Variants in CTNNA2 observed in about 807,000 individuals in gnomAD.
CTNNA2 encodes catenin alpha-2.
In CTNNA2, 42 loss-of-function variants were observed where a neutral mutation model predicts 101.0. That is an observed-to-expected ratio of 0.42 (90% CI 0.32 to 0.54). The LOEUF is 0.54. Among genes scored for constraint, CTNNA2 ranks in the 20% least tolerant of loss-of-function variants. The pLI, the probability that CTNNA2 is intolerant of heterozygous loss-of-function variation, is 0.14. For missense variants in CTNNA2, 871 were observed against 1,223.1 expected (o/e 0.71, Z 4.29); for synonymous variants, 450 against 456.4 (o/e 0.99, Z 0.18).
chr2:79,264,024 T>C (rs1674958254), intron 2 of CTNNA2, among the ~76,000 whole-genome samples: 1 of 152,172 alleles, frequency 6.6e-6, no homozygotes, highest in Non-Finnish European at 1.5e-5. Context: ...ATGCAAATCT[T>C]TATTATTGTT....
chr2:79,293,964 T>C (rs1381960483), intron 2 of CTNNA2, among the ~76,000 whole-genome samples: 5 of 151,994 alleles, frequency 3.3e-5, no homozygotes, highest in African/African-American at 1.2e-4. Flanking sequence ...ATTTTCAGAG[T>C]TGTTTGTAGA....
At chr2:79,952,252 A>G (rs1428493830) in intron 7 of CTNNA2, among the ~76,000 whole-genome samples, 1 of 152,066 alleles carries the variant, frequency 6.6e-6, no homozygotes, top group African/African-American at 2.4e-5. Flanking sequence ...CCTGTTACCT[A>G]CTACCCACTA....
chr2:80,223,033 A>C (rs190558661), intron 7 of CTNNA2, among the ~76,000 whole-genome samples: 1 of 152,154 alleles, frequency 6.6e-6, no homozygotes, highest in African/African-American at 2.4e-5. Context: ...GATTGTACTC[A>C]TGCAGCTCTC....
intron 7 of CTNNA2, among the ~76,000 whole-genome samples, chr2:80,326,312 C>T (rs1186306999): frequency 1.3e-5 from 2 of 152,164 alleles, no homozygotes; most frequent in African/African-American, 2.4e-5. Context: ...ACTGGCAGTA[C>T]ACAGTACATG....
At chr2:79,480,475 C>A (rs1300500143) in intron 4 of CTNNA2, among the ~76,000 whole-genome samples, 1 of 152,156 alleles carries the variant, frequency 6.6e-6, no homozygotes, top group Admixed American at 6.6e-5. Flanking sequence ...AAATTATCTT[C>A]TATTATCCCT....
chr2:79,396,360 T>C lies in CTNNA2; in HGVS notation c.-135+22347T>C, dbSNP rs578248717. Among the ~76,000 whole-genome samples the C allele has an allele frequency of 4.6e-5, 7 of 152,210 alleles. No individual in the cohort carries two copies. In the East Asian group the frequency reaches 1.4e-3, roughly 30 times the overall value. On this transcript the variant is annotated intron_variant, in intron 4 of 21. Coordinates refer to the CTNNA2 transcript ENST00000466387. Reference sequence around the variant, plus strand: ...TTTTAGTAGAGACGGGATTTCACTATGTTGGCCAAGCTGGTCTCGAACTCC... The same window carrying C: ...TTTTAGTAGAGACGGGATTTCACTACGTTGGCCAAGCTGGTCTCGAACTCC...
intron 1 of CTNNA2, among the ~76,000 whole-genome samples, chr2:79,188,316 A>T (rs1673809133): frequency 6.6e-6 from 1 of 152,060 alleles, no homozygotes; most frequent in South Asian, 2.1e-4. Flanking sequence ...CTTTTTCCTA[A>T]ATTGGTCGTG....
At chr2:80,194,711 G>A (rs1035486457) in intron 7 of CTNNA2, among the ~76,000 whole-genome samples, 7 of 150,194 alleles carry the variant, frequency 4.7e-5, no homozygotes, top group Admixed American at 3.3e-4. Context: ...AAAAATACCC[G>A]TGTGTCACTA....
intron 7 of CTNNA2, among the ~76,000 whole-genome samples, chr2:80,334,805 C>A (rs1031581646): frequency 6.6e-6 from 1 of 152,156 alleles, no homozygotes; most frequent in African/African-American, 2.4e-5. Flanking sequence ...CATGACCAAT[C>A]CTCTTGGTCT....
chr2:79,215,119 A>G (rs1055525345), intron 2 of CTNNA2, among the ~76,000 whole-genome samples: 4 of 152,132 alleles, frequency 2.6e-5, no homozygotes, highest in East Asian at 1.9e-4. Context: ...AGTCAGTCAG[A>G]GCGCCTTGGG....
intron 2 of CTNNA2, among the ~76,000 whole-genome samples, chr2:79,658,064 A>C (rs1432585917): frequency 6.6e-6 from 1 of 151,958 alleles, no homozygotes; most frequent in Non-Finnish European, 1.5e-5. Flanking sequence ...AAGGGAAAGA[A>C]TTCAAAACAA....
At chr2:80,304,291 C>T (rs1467460619) in intron 7 of CTNNA2, 3 of 153,802 alleles carry the variant, frequency 2.0e-5, no homozygotes, top group Non-Finnish European at 4.4e-5. Context: ...CGCACAATGT[C>T]TCACTTTGCT....
chr2:79,632,234 A>G (rs559817278), intron 1 of CTNNA2, among the ~76,000 whole-genome samples: 22 of 152,316 alleles, frequency 1.4e-4, no homozygotes, highest in African/African-American at 5.3e-4. Flanking sequence ...CAAAGAAATT[A>G]TAACCACTTT....
intron 13 of CTNNA2, among the ~76,000 whole-genome samples, chr2:80,575,627 G>A (rs1376074005): frequency 2.6e-5 from 4 of 152,062 alleles, no homozygotes; most frequent in Admixed American, 2.6e-4. Flanking sequence ...AAAGCATTTG[G>A]TACTAAATCC....
At chr2:79,281,557 T>C (rs1176947081) in intron 2 of CTNNA2, 1 of 152,234 alleles carries the variant, frequency 6.6e-6, no homozygotes, top group African/African-American at 2.4e-5. Context: ...TCTGAAGTCA[T>C]CTGTGATTAT....
intron 18 of CTNNA2, among the ~76,000 whole-genome samples, chr2:80,624,991 G>A (rs1671536915): frequency 6.6e-6 from 1 of 151,900 alleles, no homozygotes; most frequent in African/African-American, 2.4e-5. Context: ...CTAAAAAGAT[G>A]TTCCAGGCAA....
intron 7 of CTNNA2, among the ~76,000 whole-genome samples, chr2:80,104,912 A>G (rs1700785753): frequency 6.6e-6 from 1 of 152,142 alleles, no homozygotes; most frequent in African/African-American, 2.4e-5. Flanking sequence ...TCATCTGGGG[A>G]GGCTGCTTCA....
In CTNNA2 at chr2:80,484,965, C is replaced by T. The variant is rs750180452; in HGVS notation, c.1291-60017C>T. On this transcript the variant is annotated intron_variant, in intron 9 of 18. Coordinates refer to ENST00000402739, the MANE Select transcript of CTNNA2 (RefSeq NM_001282597.3). ...AGCTTGCAGTGAGCCGAGACTGTGC[C>T]ACTGCATTCCAGCCTGTGTGACAGA... Among the ~76,000 whole-genome samples the T allele has an allele frequency of 5.7e-4, 87 of 152,050 alleles. 1 individual carries two copies. The highest frequency in any genetic ancestry group is 4.9e-4 in the Non-Finnish European group (33 of 68,020).
At chr2:80,549,587 GCCAC>G (rs1573227861) in intron 11 of CTNNA2, among the ~76,000 whole-genome samples, 1 of 152,052 alleles carries the variant, frequency 6.6e-6, no homozygotes, top group African/African-American at 2.4e-5. Flanking sequence ...ATTAGAGTGT[GCCAC>G]CCAAACATTG....
Sources: gnomAD v4.1 joint callset for allele counts (sites outside exome capture counted in the v4.1 genomes callset) on GRCh38, gnomAD v4.1.1 for gene constraint, MANE v1.5 for transcripts, NCBI Gene and HGNC (gene_info 2026-07-23, HGNC 2026-07-21) for gene names.